SLC24A2: variants seen among roughly 807,000 people sequenced by gnomAD.
SLC24A2 encodes solute carrier family 24 member 2, also known as sodium/potassium/calcium exchanger 2.
In SLC24A2, 36 loss-of-function variants were observed where a neutral mutation model predicts 62.0. That is an observed-to-expected ratio of 0.58 (90% CI 0.44 to 0.77). The LOEUF (loss-of-function observed/expected upper bound fraction) is 0.77, where lower values mean the gene tolerates loss of function less well. Ranked by LOEUF, SLC24A2 falls within the 30% of genes least tolerant of loss-of-function variation. The probability of loss-of-function intolerance (pLI) is 0.00; values close to 1 mark genes in which losing one functional copy is unlikely to be tolerated. For synonymous variants in SLC24A2, 358 were observed against 294.0 expected, an observed-to-expected ratio of 1.22 and a Z score of -2.23; for missense variants, 846 against 817.9, an observed-to-expected ratio of 1.03 and a Z score of -0.42.
chr9:20,019,782 G>A, the SLC24A2 span, among the ~76,000 whole-genome samples: 66,032 of 151,442 alleles, frequency 0.44, 15,143 homozygotes, highest in Non-Finnish European at 0.5. Flanking sequence ...GAGTGAACAG[G>A]CAACCTACAG....
chr9:19,852,864 A>G, the SLC24A2 span, among the ~76,000 whole-genome samples: 40 of 152,214 alleles, frequency 2.6e-4, 1 homozygote, highest in South Asian at 8.3e-3. Flanking sequence ...AAGAATGTCA[A>G]TGGTACTTTA....
At chr9:19,930,427 G>A in the SLC24A2 span, among the ~76,000 whole-genome samples, 1 of 152,200 alleles carries the variant, frequency 6.6e-6, no homozygotes, top group South Asian at 2.1e-4. Flanking sequence ...TACAGCCTAG[G>A]TGTGTAGGTG....
the SLC24A2 span, among the ~76,000 whole-genome samples, chr9:19,983,659 A>G: frequency 6.6e-6 from 1 of 152,138 alleles, no homozygotes; most frequent in African/African-American, 2.4e-5. Flanking sequence ...AAAGAAAAAA[A>G]TGTTTTATTT....
At chr9:20,224,763 T>G in the SLC24A2 span, among the ~76,000 whole-genome samples, 21,272 of 151,906 alleles carry the variant, frequency 0.14, 1,790 homozygotes, top group African/African-American at 0.23. Context: ...GAAGGTGTAG[T>G]CCATGCTGTT....
At chr9:19,730,927 A>T (rs1247991563) in intron 2 of SLC24A2, among the ~76,000 whole-genome samples, 1 of 152,108 alleles carries the variant, frequency 6.6e-6, no homozygotes, top group Non-Finnish European at 1.5e-5. Flanking sequence ...ATGGAAAAAA[A>T]GATATTCATC....
At chr9:19,994,024 A>G in the SLC24A2 span, among the ~76,000 whole-genome samples, 1 of 152,224 alleles carries the variant, frequency 6.6e-6, no homozygotes. Context: ...TGAGGTAAAG[A>G]TAGACCAAGT....
intron 8 of SLC24A2, among the ~76,000 whole-genome samples, chr9:19,543,317 C>G (rs533326216): frequency 3.3e-5 from 5 of 151,482 alleles, no homozygotes; most frequent in South Asian, 2.1e-4. Context: ...ATTCTTCTCT[C>G]TTTTCTTTAT....
In SLC24A2 at chr9:19,597,645, G is replaced by T. The variant is rs1009424319; in HGVS notation, c.1079-366C>A. 3.9e-5 allele frequency among the ~76,000 whole-genome samples: 6 copies of T among 152,254 alleles called. No homozygotes were observed. The East Asian group carries it at 9.7e-4, about 24-fold the overall frequency. ...GAGAAAGGGACTGAACAAGGACAAC[G>T]TCCAGGCTCATGGAAGCTTGCAGAC... On this transcript the variant is annotated intron_variant, in intron 4 of 10. Transcript: ENST00000341998.
rs1308123293 is a variant in SLC24A2 at position 19,510,401 on chromosome 9, G to A, written c.*5752C>T. 1 of 131,426 alleles carries A rather than the reference G, an allele frequency of 7.6e-6. No homozygotes were observed. Among genetic ancestry groups the A allele is most frequent in the African/African-American group, 3.0e-5 (1 of 33,646 alleles). 8.1% of individuals were successfully genotyped at this position (131,426 alleles called of 1,614,324 possible). A position where few individuals can be genotyped will look rare whatever the true frequency, so the allele number is the denominator to read the frequency against. On this transcript the variant is annotated 3_prime_UTR_variant, in exon 11 of 11. Transcript: ENST00000341998. ...CGGTAACTTCCAACTATGGGGCAAAGAGTGAAGAGTGCCCAGATGCAGTTA... is the reference window on the plus strand; with the variant it reads ...CGGTAACTTCCAACTATGGGGCAAAAAGTGAAGAGTGCCCAGATGCAGTTA...
the SLC24A2 span, among the ~76,000 whole-genome samples, chr9:19,940,034 C>T: frequency 6.6e-6 from 1 of 152,250 alleles, no homozygotes; most frequent in African/African-American, 2.4e-5. Flanking sequence ...TCTCACTTCT[C>T]ACGACACCCT....
At chr9:19,556,386 T>C (rs1434022505) in intron 7 of SLC24A2, among the ~76,000 whole-genome samples, 1 of 152,190 alleles carries the variant, frequency 6.6e-6, no homozygotes. Context: ...TTCTTATTTT[T>C]TGTCTGTGAA....
At chr9:20,233,379 C>A in the SLC24A2 span, among the ~76,000 whole-genome samples, 2 of 152,134 alleles carry the variant, frequency 1.3e-5, no homozygotes, top group African/African-American at 4.8e-5. Context: ...TTGTAGGTCA[C>A]TCAGGACTTG....
intron 5 of SLC24A2, among the ~76,000 whole-genome samples, chr9:19,580,282 G>A (rs1456681497): frequency 6.6e-6 from 1 of 152,230 alleles, no homozygotes; most frequent in African/African-American, 2.4e-5. Flanking sequence ...CTGCGCCATA[G>A]GCTAGAAGGA....
the SLC24A2 span, among the ~76,000 whole-genome samples, chr9:20,230,974 C>T: frequency 6.6e-6 from 1 of 152,118 alleles, no homozygotes; most frequent in Non-Finnish European, 1.5e-5. Flanking sequence ...TTCCCAGCAC[C>T]ATTTATTAAA....
the SLC24A2 span, among the ~76,000 whole-genome samples, chr9:19,912,131 C>T: frequency 2.0e-5 from 3 of 151,906 alleles, no homozygotes; most frequent in South Asian, 2.1e-4. Context: ...GGGTGGGGAC[C>T]GAGGCCAGCA....
the SLC24A2 span, among the ~76,000 whole-genome samples, chr9:20,235,318 C>A: frequency 6.6e-6 from 1 of 152,222 alleles, no homozygotes; most frequent in Non-Finnish European, 1.5e-5. Context: ...TGCCCTGCCC[C>A]CAGAGGTGGA....
At chr9:20,050,297 T>C in the SLC24A2 span, among the ~76,000 whole-genome samples, 3 of 147,052 alleles carry the variant, frequency 2.0e-5, no homozygotes, top group East Asian at 2.0e-4. Flanking sequence ...ATGCTTGTAA[T>C]CCTAGCTACC....
intron 7 of SLC24A2, among the ~76,000 whole-genome samples, chr9:19,572,871 G>A (rs941311071): frequency 1.3e-5 from 2 of 152,202 alleles, no homozygotes; most frequent in African/African-American, 2.4e-5. Flanking sequence ...GCCAAAGGGG[G>A]CTCACTGAGT....
At chr9:19,867,569 T>A in the SLC24A2 span, among the ~76,000 whole-genome samples, 5 of 152,196 alleles carry the variant, frequency 3.3e-5, no homozygotes, top group African/African-American at 4.8e-5. Flanking sequence ...TCCTTCCTCT[T>A]ATCTTGGTCA....
Sources: allele counts gnomAD v4.1 joint callset (sites outside exome capture counted in the v4.1 genomes callset), GRCh38; gene constraint gnomAD v4.1.1; transcripts MANE v1.5; gene names NCBI Gene and HGNC (gene_info 2026-07-23, HGNC 2026-07-21).